The following SLC9D1 variants were observed in gnomAD, a reference collection of about 807,000 sequenced individuals.
SLC9D1 encodes the protein solute carrier family 9 member D1, also known as putative LAG1-interacting protein.
At chr13:113,501,383 A>G in the SLC9D1 span, among the ~76,000 whole-genome samples, 74 of 152,216 alleles carry the variant, frequency 4.9e-4, no homozygotes, top group Non-Finnish European at 5.9e-4. Flanking sequence ...GAGGTGCTTT[A>G]AAGTATATAG....
At chr13:113,531,038 G>A in the SLC9D1 span, among the ~76,000 whole-genome samples, 17 of 152,252 alleles carry the variant, frequency 1.1e-4, no homozygotes, top group African/African-American at 3.6e-4. Flanking sequence ...ACTTCCTGGC[G>A]GCCCACCAGA....
At chr13:113,519,682 G>A in the SLC9D1 span, among the ~76,000 whole-genome samples, 1 of 151,316 alleles carries the variant, frequency 6.6e-6, no homozygotes, top group African/African-American at 2.4e-5. Context: ...TGGACACCAA[G>A]TCTGTGTTGG....
chr13:113,538,194 C>T, the SLC9D1 span, among the ~76,000 whole-genome samples: 3 of 150,536 alleles, frequency 2.0e-5, no homozygotes, highest in Non-Finnish European at 4.4e-5. Context: ...GGTTTGTGTA[C>T]GTGTGTGTGG....
the SLC9D1 span, chr13:113,520,717 G>A: frequency 0.13 from 201,703 of 1,610,002 alleles, 15,555 homozygotes; most frequent in African/African-American, 0.36. Context: ...ACAGGCGGGC[G>A]CCAGTGCATC....
chr13:113,532,560 G>T, the SLC9D1 span, among the ~76,000 whole-genome samples: 1 of 152,142 alleles, frequency 6.6e-6, no homozygotes. Flanking sequence ...GAGGCCACTG[G>T]AGCTGTGGGG....
the SLC9D1 span, among the ~76,000 whole-genome samples, chr13:113,501,499 C>T: frequency 1.3e-5 from 2 of 152,088 alleles, no homozygotes; most frequent in Admixed American, 6.5e-5. Context: ...GAACCACTGC[C>T]CCAAAGATAC....
chr13:113,519,085 C>G, the SLC9D1 span, among the ~76,000 whole-genome samples: 1 of 151,694 alleles, frequency 6.6e-6, no homozygotes, highest in Non-Finnish European at 1.5e-5. Flanking sequence ...CTCTTGTCCC[C>G]CAGGCTGGAG....
the SLC9D1 span, among the ~76,000 whole-genome samples, chr13:113,545,040 C>T: frequency 3.1e-4 from 46 of 148,752 alleles, no homozygotes; most frequent in East Asian, 8.4e-3. Flanking sequence ...TCATGTTCCC[C>T]GCATTCAGAA....
chr13:113,530,808 C>G, the SLC9D1 span, among the ~76,000 whole-genome samples: 1 of 152,290 alleles, frequency 6.6e-6, no homozygotes, highest in Middle Eastern at 3.4e-3. Flanking sequence ...ATAAAGGTCT[C>G]CTATACCTTA....
chr13:113,530,450 A>G, the SLC9D1 span: 1 of 152,178 alleles, frequency 6.6e-6, no homozygotes, highest in African/African-American at 2.4e-5. Context: ...AAATATATAT[A>G]TGTATATATA....
the SLC9D1 span, among the ~76,000 whole-genome samples, chr13:113,532,734 G>A: frequency 2.0e-5 from 3 of 152,304 alleles, no homozygotes; most frequent in African/African-American, 4.8e-5. Context: ...TCTCTGAGTC[G>A]CGGACTTGGG....
At chr13:113,508,850 T>C in the SLC9D1 span, among the ~76,000 whole-genome samples, 1 of 152,230 alleles carries the variant, frequency 6.6e-6, no homozygotes, top group African/African-American at 2.4e-5. Context: ...TATTTTTCAC[T>C]AAGAACTAGG....
the SLC9D1 span, chr13:113,503,701 G>A: frequency 1.6e-6 from 1 of 636,524 alleles, no homozygotes; most frequent in Non-Finnish European, 2.8e-6. Context: ...TTTTAGAATA[G>A]AATATGATAT....
chr13:113,544,851 C>T, the SLC9D1 span, among the ~76,000 whole-genome samples: 22 of 152,242 alleles, frequency 1.4e-4, no homozygotes, highest in Admixed American at 5.2e-4. Flanking sequence ...CGTAGGAGTT[C>T]GCAGGACACA....
the SLC9D1 span, chr13:113,534,253 CTA>C: frequency 1.2e-4 from 189 of 1,593,826 alleles, no homozygotes; most frequent in Non-Finnish European, 1.4e-4. Context: ...AATTCTCAAA[CTA>C]TGTGTTATTT....
At chr13:113,543,139 C>G in the SLC9D1 span, among the ~76,000 whole-genome samples, 2 of 93,738 alleles carry the variant, frequency 2.1e-5, no homozygotes, top group African/African-American at 4.2e-5. Context: ...GTGACCACCT[C>G]CTCCCCGTGC....
At chr13:113,547,528 C>CG in the SLC9D1 span, 1 of 641,030 alleles carries the variant, frequency 1.6e-6, no homozygotes, top group Non-Finnish European at 2.8e-6. Context: ...CACTGGACCC[C>CG]GGGGGAGGCA....
the SLC9D1 span, among the ~76,000 whole-genome samples, chr13:113,538,309 T>C: frequency 6.6e-6 from 1 of 152,174 alleles, no homozygotes; most frequent in African/African-American, 2.4e-5. Flanking sequence ...CATGTGCGTG[T>C]GTGTGTGTGT....
chr13:113,549,343 A>G, the SLC9D1 span: 2 of 1,498,772 alleles, frequency 1.3e-6, no homozygotes, highest in Non-Finnish European at 9.1e-7. Context: ...CTCCCAGCTC[A>G]GTGAGACCAG....
Sources: gnomAD v4.1 joint callset for allele counts (sites outside exome capture counted in the v4.1 genomes callset) on GRCh38, gnomAD v4.1.1 for gene constraint, MANE v1.5 for transcripts, NCBI Gene and HGNC (gene_info 2026-07-23, HGNC 2026-07-21) for gene names.